Variants in TMEM131 observed in about 807,000 individuals in gnomAD.
TMEM131 encodes the protein transmembrane protein 131.
A neutral mutation model predicts 211.6 loss-of-function variants in TMEM131; 66 were observed. The ratio of observed to expected loss-of-function variants is 0.31; its 90% CI spans 0.26 to 0.38. The LOEUF (loss-of-function observed/expected upper bound fraction) is 0.38, where lower values mean the gene tolerates loss of function less well. Among genes scored for constraint, TMEM131 ranks in the 10% least tolerant of loss-of-function variants. The probability of loss-of-function intolerance (pLI) is 1.00; values close to 1 mark genes in which losing one functional copy is unlikely to be tolerated. For missense variants in TMEM131, 2,036 were observed against 2,299.3 expected (o/e 0.89, Z 2.34); for synonymous variants, 844 against 841.3 (o/e 1.00, Z -0.06).
chr2:97,799,834 GA>G lies in TMEM131; in HGVS notation c.2718+2060del, dbSNP rs1347915896. ...GTAATTACATGTCTGTAGCAGGTTA[GA>G]TTTTCATTACATACTTCGATCAAAA... On this transcript the variant is annotated intron_variant, in intron 25 of 40. Coordinates refer to ENST00000186436, the MANE Select transcript of TMEM131 (RefSeq NM_015348.2). Among the ~76,000 whole-genome samples, 3 of 152,258 alleles carry G rather than the reference GA, an allele frequency of 2.0e-5. No homozygotes were observed. In the East Asian group the frequency reaches 5.8e-4, roughly 29 times the overall value.
At chr2:97,943,073 GAAAGAAAGAA>G (rs1403365926) in intron 1 of TMEM131, among the ~76,000 whole-genome samples, 1 of 141,354 alleles carries the variant, frequency 7.1e-6, no homozygotes, top group East Asian at 2.1e-4. Flanking sequence ...AAGAAAGAAA[GAAAGAAAGAA>G]AGAAAGAAAG....
Position 97,995,492 on chromosome 2 carries a change from C to G in TMEM131, c.171G>C (p.Ala57=). Residue 57 remains alanine (A), a synonymous_variant, in exon 1 of 41, where the codon GCG becomes GCC. Coordinates refer to ENST00000186436, the MANE Select transcript of TMEM131 (RefSeq NM_015348.2). ...HLVMTLVVAA[A]RAEKEAFVQS... ...GACACCCACCTTCCTTCTCGGCCCG[C>G]GCCGCAGCCACTACGAGGGTCATCA... is the stretch of plus-strand genomic sequence containing the variant. The G allele has an allele frequency of 1.4e-6, 2 of 1,408,852 alleles. No individual in the cohort carries two copies. Among genetic ancestry groups the G allele is most frequent in the Non-Finnish European group, 1.9e-6 (2 of 1,076,090 alleles). 87.3% of individuals were successfully genotyped at this position (1,408,852 alleles called of 1,614,324 possible). A position where few individuals can be genotyped will look rare whatever the true frequency, so the allele number is the denominator to read the frequency against.
At chr2:97,985,223 C>A (rs943291648) in intron 1 of TMEM131, among the ~76,000 whole-genome samples, 4 of 152,066 alleles carry the variant, frequency 2.6e-5, no homozygotes, top group Non-Finnish European at 5.9e-5. Flanking sequence ...TTTCATCACT[C>A]TTATTTAACA....
Position 97,833,196 on chromosome 2 carries a change from G to A in TMEM131, c.1074+169C>T, listed in dbSNP as rs562178990. Among the ~76,000 whole-genome samples the A allele has an allele frequency of 5.9e-5, 9 of 152,162 alleles. No homozygotes were observed. The South Asian group carries it at 1.7e-3, about 28-fold the overall frequency. ...CATTTCTCTCTCATCCTTAAAATCC[G>A]GGTGGCTGGGGCAGAACAGGTTTCT... On this transcript the variant is annotated intron_variant, in intron 11 of 40. Transcript: ENST00000186436.
chr2:97,855,413 T>C (rs1457765254), intron 5 of TMEM131, among the ~76,000 whole-genome samples: 3 of 152,128 alleles, frequency 2.0e-5, no homozygotes, highest in Non-Finnish European at 4.4e-5. Flanking sequence ...AAAAATGGCA[T>C]TATAGGCAAG....
At chr2:97,851,530 G>C (rs575009064) in intron 5 of TMEM131, among the ~76,000 whole-genome samples, 4 of 152,218 alleles carry the variant, frequency 2.6e-5, no homozygotes, top group Admixed American at 2.0e-4. Context: ...CAAATTAAAG[G>C]TTTGTAGCAA....
At position 97,760,680 on chromosome 2, in the gene TMEM131, C is replaced by G; in HGVS notation, c.5021G>C (p.Gly1674Ala). 6.2e-7 allele frequency: 1 copy of G among 1,613,984 alleles called. No homozygotes were observed. Among genetic ancestry groups the G allele is most frequent in the African/African-American group, 1.3e-5 (1 of 75,044 alleles). The part of the protein sequence containing the change: ...AGYDKSPGGN[G>A]FAKVSSNKTG... Reference sequence around the variant, plus strand: ...TTTGTTTGAAGAAACTTTAGCAAAGCCATTCCCACCTGTAACAATGGACGT... The same window carrying G: ...TTTGTTTGAAGAAACTTTAGCAAAGGCATTCCCACCTGTAACAATGGACGT... Residue 1674 changes from glycine (G) to alanine (A), a missense_variant, in exon 38 of 41, where the codon GGC becomes GCC. Around this residue, in one of 3 missense-constraint regions of TMEM131, gnomAD observed 1,623 missense variants for 1,805.9 expected, o/e 0.90. Coordinates refer to ENST00000186436, the MANE Select transcript of TMEM131 (RefSeq NM_015348.2).
chr2:97,797,228 G>T, intron 26 of TMEM131, 137 bp downstream of exon 26: 1 of 905,930 alleles, frequency 1.1e-6, no homozygotes, highest in Non-Finnish European at 1.7e-6. Flanking sequence ...GTTTCATCAG[G>T]CATGGAGTGT....
intron 3 of TMEM131, among the ~76,000 whole-genome samples, chr2:97,888,966 C>T (rs556806859): frequency 2.0e-5 from 3 of 152,126 alleles, no homozygotes; most frequent in South Asian, 2.1e-4. Flanking sequence ...TTCATAGTAA[C>T]GTAAGCTTTG....
In TMEM131 at chr2:97,985,946, T is replaced by TA. The variant is rs1559492068; in HGVS notation, c.187+9529_187+9530insT. Among the ~76,000 whole-genome samples the TA allele has an allele frequency of 6.6e-3, 982 of 148,610 alleles. 15 individuals carry two copies. Among genetic ancestry groups the TA allele is most frequent in the African/African-American group, 0.023 (938 of 40,346 alleles). On this transcript the variant is annotated intron_variant, in intron 1 of 40. Transcript: ENST00000186436. Reference sequence around the variant, plus strand: ...AAGGTATCAGAAAGGCAGAAACCATTTAAAAAAAAAAAAGAGAGTTGCCTG... The same window carrying TA: ...AAGGTATCAGAAAGGCAGAAACCATTATAAAAAAAAAAAAGAGAGTTGCCTG...
At chr2:97,946,368 G>A (rs1678044209) in intron 1 of TMEM131, among the ~76,000 whole-genome samples, 1 of 151,822 alleles carries the variant, frequency 6.6e-6, no homozygotes, top group African/African-American at 2.4e-5. Context: ...CATCTAGCTA[G>A]TCAGTTTGAA....
At chr2:97,803,679 G>A (rs11684749) in intron 22 of TMEM131, among the ~76,000 whole-genome samples, 2 of 151,984 alleles carry the variant, frequency 1.3e-5, no homozygotes, top group Non-Finnish European at 2.9e-5. Flanking sequence ...CAGGATCAGG[G>A]AGAATATCAC....
At chr2:97,795,673 T>C (rs1348492164) in intron 28 of TMEM131, among the ~76,000 whole-genome samples, 1 of 152,224 alleles carries the variant, frequency 6.6e-6, no homozygotes, top group Non-Finnish European at 1.5e-5. Flanking sequence ...TCATTAAAGA[T>C]CACTAAATTA....
intron 1 of TMEM131, among the ~76,000 whole-genome samples, chr2:97,958,552 C>T (rs937830429): frequency 6.6e-6 from 1 of 152,194 alleles, no homozygotes; most frequent in Non-Finnish European, 1.5e-5. Context: ...TACATTCAGA[C>T]ATACTGAATC....
intron 8 of TMEM131, 70 bp downstream of exon 8, chr2:97,837,007 A>C (rs2105077489): frequency 1.6e-6 from 2 of 1,262,772 alleles, no homozygotes; most frequent in Non-Finnish European, 2.3e-6. Flanking sequence ...TAAGGAGTTA[A>C]ATATTTTCTA....
intron 12 of TMEM131, among the ~76,000 whole-genome samples, chr2:97,816,036 T>C (rs1681812950): frequency 6.6e-6 from 1 of 152,166 alleles, no homozygotes; most frequent in East Asian, 1.9e-4. Flanking sequence ...ACTTCAGATT[T>C]CATAGCAGTT....
At chr2:97,908,073 T>A (rs1256014120) in intron 3 of TMEM131, among the ~76,000 whole-genome samples, 2 of 152,162 alleles carry the variant, frequency 1.3e-5, no homozygotes, top group Non-Finnish European at 1.5e-5. Context: ...AGAAAGAGAA[T>A]CAGCACAGTA....
intron 1 of TMEM131, among the ~76,000 whole-genome samples, chr2:97,949,027 T>C (rs568618632): frequency 6.6e-6 from 1 of 152,210 alleles, no homozygotes; most frequent in East Asian, 1.9e-4. Context: ...CCAACTGAAA[T>C]GAAACGTATG....
chr2:97,805,581 C>T lies in TMEM131; in HGVS notation c.2178G>A (p.Lys726=). 1.2e-6 allele frequency: 2 copies of T among 1,609,768 alleles called. No individual in the cohort carries two copies. The highest frequency in any genetic ancestry group is 1.7e-4 in the Middle Eastern group (1 of 6,044). The change falls in exon 20 of 41, where the codon AAG becomes AAA. Residue 726 remains lysine (K), a synonymous_variant. Transcript: ENST00000186436. ...ATTTTTTTCCTGGCTCCAAGTCTTC[C>T]TTATTGCCCCGTAATCGTTTATAGT... ...RFYYKRLRGN[K]EDLEPGKKSK...
Sources: allele counts gnomAD v4.1 joint callset (sites outside exome capture counted in the v4.1 genomes callset), GRCh38; gene constraint gnomAD v4.1.1; regional missense constraint gnomAD v4.1.1; transcripts MANE v1.5; gene names NCBI Gene and HGNC (gene_info 2026-07-23, HGNC 2026-07-21).